Variants in CLIC4 observed in about 807,000 individuals in gnomAD.
The protein encoded by CLIC4 is CLIC family member 4, also known as chloride intracellular channel protein 4.
CLIC4 carries 13 observed loss-of-function variants against 24.6 expected under a neutral mutation model. The ratio of observed to expected loss-of-function variants is 0.53; its 90% CI spans 0.34 to 0.84. The LOEUF is 0.84. Ranked by LOEUF, CLIC4 falls within the 40% of genes least tolerant of loss-of-function variation. CLIC4 has a pLI of 0.01. For synonymous variants in CLIC4, 104 were observed against 111.3 expected (o/e 0.93, Z 0.41); for missense variants, 227 against 301.7 (o/e 0.75, Z 1.83).
At chr1:24,806,164 A>G (rs1457895190) in intron 2 of CLIC4, among the ~76,000 whole-genome samples, 1 of 152,190 alleles carries the variant, frequency 6.6e-6, no homozygotes, top group East Asian at 1.9e-4. Context: ...ATTTTTTGCC[A>G]TTGCCTATTG....
chr1:24,773,082 T>A (rs1639092022), intron 1 of CLIC4, among the ~76,000 whole-genome samples: 1 of 152,200 alleles, frequency 6.6e-6, no homozygotes, highest in Non-Finnish European at 1.5e-5. Context: ...CCCCCACATA[T>A]CTCATTTACC....
At chr1:24,790,555 T>C (rs1639322981) in intron 1 of CLIC4, among the ~76,000 whole-genome samples, 1 of 152,178 alleles carries the variant, frequency 6.6e-6, no homozygotes, top group Non-Finnish European at 1.5e-5. Flanking sequence ...CCAGCAACCA[T>C]GGTGAAGAGG....
At position 24,840,835 on chromosome 1, in the gene CLIC4, C is replaced by T. The variant is rs768239125; in HGVS notation, c.660C>T (p.Tyr220=). The change falls in exon 6 of 6, where the codon TAC becomes TAT. Residue 220 remains tyrosine (Y), a synonymous_variant. Coordinates refer to ENST00000374379, the MANE Select transcript of CLIC4 (RefSeq NM_013943.3). ...AAGAAATGACTGGCATCTGGAGATA[C>T]CTAACTAATGCATACAGTAGGGACG... ...IPKEMTGIWR[Y]LTNAYSRDEF... The T allele has an allele frequency of 6.2e-6, 10 of 1,611,588 alleles. No individual in the cohort carries two copies. In the Admixed American group the frequency reaches 1.3e-4, roughly 22 times the overall value.
chr1:24,790,426 AAAAT>A (rs1357928152), intron 1 of CLIC4, among the ~76,000 whole-genome samples: 1 of 152,366 alleles, frequency 6.6e-6, no homozygotes, highest in Admixed American at 6.5e-5. Flanking sequence ...AAGGAAAAGA[AAAAT>A]AAATAAATAA....
chr1:24,810,202 T>C (rs1301626001), intron 2 of CLIC4, among the ~76,000 whole-genome samples: 1 of 152,254 alleles, frequency 6.6e-6, no homozygotes, highest in East Asian at 1.9e-4. Flanking sequence ...CAATTTGGGA[T>C]TTCCCTGGTT....
At chr1:24,779,102 T>C (rs1639175059) in intron 1 of CLIC4, among the ~76,000 whole-genome samples, 1 of 152,196 alleles carries the variant, frequency 6.6e-6, no homozygotes, top group Non-Finnish European at 1.5e-5. Flanking sequence ...AAAAATAATT[T>C]TCTTAAATCT....
At chr1:24,778,706 C>T (rs113251651) in intron 1 of CLIC4, among the ~76,000 whole-genome samples, 30 of 152,316 alleles carry the variant, frequency 2.0e-4, no homozygotes, top group African/African-American at 7.0e-4. Flanking sequence ...AGATAATAGA[C>T]TTGTTCCTCC....
intron 4 of CLIC4, among the ~76,000 whole-genome samples, chr1:24,830,365 C>T (rs1255695155): frequency 1.3e-5 from 2 of 151,892 alleles, no homozygotes; most frequent in African/African-American, 2.4e-5. Context: ...TATAGATCTA[C>T]CTCAATTTTT....
chr1:24,776,922 C>A (rs1414978423), intron 1 of CLIC4, among the ~76,000 whole-genome samples: 7 of 152,006 alleles, frequency 4.6e-5, no homozygotes, highest in East Asian at 1.9e-4. Flanking sequence ...CAAAAAAAAA[C>A]CCGAAAATGC....
At chr1:24,840,281 T>C (rs920769440) in intron 5 of CLIC4, among the ~76,000 whole-genome samples, 7 of 152,194 alleles carry the variant, frequency 4.6e-5, no homozygotes, top group Admixed American at 2.0e-4. Context: ...TTCAAAGATA[T>C]AATGCGTGAC....
chr1:24,753,164 G>T (rs1638800265), intron 1 of CLIC4, among the ~76,000 whole-genome samples: 1 of 152,070 alleles, frequency 6.6e-6, no homozygotes, highest in Non-Finnish European at 1.5e-5. Context: ...TGTTCTAAAA[G>T]AAGTAAATAG....
chr1:24,792,107 A>G (rs1341624129), intron 1 of CLIC4, among the ~76,000 whole-genome samples: 1 of 151,250 alleles, frequency 6.6e-6, no homozygotes, highest in Non-Finnish European at 1.5e-5. Context: ...CTGTATATAC[A>G]TAAATTATAC....
rs542103977 is a variant in CLIC4, at chr1:24,815,190, C to G, written c.308+971C>G. ...TTATGTCTGAAAATATTGCATGTAC[C>G]TTAATTTAAAAATACTTCATTGCTA... On this transcript the variant is annotated intron_variant, in intron 3 of 5. Transcript: ENST00000374379. Among the ~76,000 whole-genome samples the G allele has an allele frequency of 2.8e-4, 43 of 152,270 alleles. No individual in the cohort carries two copies. In the South Asian group the frequency reaches 5.4e-3, roughly 19 times the overall value.
At chr1:24,762,714 C>T (rs1285670852) in intron 1 of CLIC4, among the ~76,000 whole-genome samples, 1 of 152,056 alleles carries the variant, frequency 6.6e-6, no homozygotes, top group Non-Finnish European at 1.5e-5. Context: ...TTCGTAGTAA[C>T]AGCTTTGGTG....
rs987195391 is a variant in CLIC4, at chr1:24,843,947, A to G, written c.*3010A>G. On this transcript the variant is annotated 3_prime_UTR_variant, in exon 6 of 6. Transcript: ENST00000374379. ...AATTTCATCATTTAATGATTCACCA[A>G]TTTCTTGCATTAATTTGAATTTAAG... The G allele has an allele frequency of 1.3e-5, 2 of 152,714 alleles. No homozygotes were observed. The highest frequency in any genetic ancestry group is 1.9e-4 in the East Asian group (1 of 5,190). The allele number at this position is 152,714 out of a possible 1,614,324, so 9.5% of individuals were successfully genotyped here.
At chr1:24,753,591 T>G (rs1638805681) in intron 1 of CLIC4, among the ~76,000 whole-genome samples, 1 of 152,220 alleles carries the variant, frequency 6.6e-6, no homozygotes, top group African/African-American at 2.4e-5. Flanking sequence ...ATTGGTAGAT[T>G]GATACCTAAG....
chr1:24,751,314 A>G (rs1025755546), intron 1 of CLIC4, among the ~76,000 whole-genome samples: 2 of 148,306 alleles, frequency 1.3e-5, no homozygotes, highest in East Asian at 4.0e-4. Flanking sequence ...AGTTCAAGCG[A>G]TTCTCCTGCC....
intron 1 of CLIC4, among the ~76,000 whole-genome samples, chr1:24,751,489 C>T (rs1192082521): frequency 6.8e-6 from 1 of 147,412 alleles, no homozygotes; most frequent in Non-Finnish European, 1.5e-5. Context: ...TCCACCCGCT[C>T]GGCCTCCCAA....
At chr1:24,765,140 T>A (rs1252857267) in intron 1 of CLIC4, among the ~76,000 whole-genome samples, 1 of 152,234 alleles carries the variant, frequency 6.6e-6, no homozygotes, top group Non-Finnish European at 1.5e-5. Flanking sequence ...CTGTTCCCAT[T>A]GACTGTTTTC....
Sources: allele counts gnomAD v4.1 joint callset (sites outside exome capture counted in the v4.1 genomes callset), GRCh38; gene constraint gnomAD v4.1.1; transcripts MANE v1.5; gene names NCBI Gene and HGNC (gene_info 2026-07-23, HGNC 2026-07-21).